Variants in FHIT observed in about 807,000 individuals in gnomAD.
The protein encoded by FHIT is fragile histidine triad diadenosine triphosphatase, also known as bis(5'-adenosyl)-triphosphatase.
In FHIT, 19 loss-of-function variants were observed where a neutral mutation model predicts 17.9. That is an observed-to-expected ratio of 1.06 (90% confidence interval 0.74 to 1.56). The LOEUF (loss-of-function observed/expected upper bound fraction) is 1.56. FHIT is among the 40% of genes most tolerant of loss of function. FHIT has a pLI of 0.00. For synonymous variants in FHIT, 81 were observed against 69.7 expected (o/e 1.16, Z -0.81); for missense variants, 248 against 189.2 (o/e 1.31, Z -1.82).
At chr3:60,973,844 C>A (rs1186949860) in intron 3 of FHIT, among the ~76,000 whole-genome samples, 2 of 152,204 alleles carry the variant, frequency 1.3e-5, no homozygotes, top group South Asian at 4.1e-4. Context: ...ACAGACAATA[C>A]TCAGCACAAT....
chr3:60,089,255 T>C (rs1703628381), intron 5 of FHIT, among the ~76,000 whole-genome samples: 1 of 152,200 alleles, frequency 6.6e-6, no homozygotes, highest in Non-Finnish European at 1.5e-5. Context: ...TCATGACACA[T>C]TTATTTTCTT....
At chr3:60,828,046 A>C (rs1456627871) in intron 3 of FHIT, among the ~76,000 whole-genome samples, 1 of 152,200 alleles carries the variant, frequency 6.6e-6, no homozygotes, top group Non-Finnish European at 1.5e-5. Flanking sequence ...CTACCAACCA[A>C]ATAGGTGCAT....
chr3:60,252,756 C>A (rs35184553), intron 5 of FHIT, among the ~76,000 whole-genome samples: 13,598 of 151,688 alleles, frequency 0.09, 806 homozygotes, highest in South Asian at 0.17. Flanking sequence ...TTTGGGAGGC[C>A]GAGGCCGGTG....
At chr3:60,532,961 T>G (rs2035841311) in intron 5 of FHIT, among the ~76,000 whole-genome samples, 1 of 123,890 alleles carries the variant, frequency 8.1e-6, no homozygotes, top group African/African-American at 3.2e-5. Context: ...AATGCCATTT[T>G]TAAGAAGAAG....
chr3:60,310,271 C>G (rs1708881153), intron 5 of FHIT, among the ~76,000 whole-genome samples: 1 of 152,124 alleles, frequency 6.6e-6, no homozygotes, highest in Non-Finnish European at 1.5e-5. Context: ...CCTCTCTGTT[C>G]TGTGGTGTTT....
intron 5 of FHIT, among the ~76,000 whole-genome samples, chr3:60,312,197 A>AT (rs1708980182): frequency 6.6e-6 from 1 of 152,116 alleles, no homozygotes; most frequent in South Asian, 2.1e-4. Context: ...GTGCAGTGGC[A>AT]TGGTCATAGC....
chr3:60,334,438 C>G (rs1308761167), intron 5 of FHIT, among the ~76,000 whole-genome samples: 1 of 152,206 alleles, frequency 6.6e-6, no homozygotes, highest in African/African-American at 2.4e-5. Context: ...CAATCCAAAA[C>G]AGTCAGTAAG....
chr3:59,922,645 A>G (rs886995764), intron 7 of FHIT, among the ~76,000 whole-genome samples: 3 of 152,170 alleles, frequency 2.0e-5, no homozygotes, highest in Non-Finnish European at 4.4e-5. Flanking sequence ...GCGAAATGCT[A>G]GAGTGTTTCA....
intron 4 of FHIT, among the ~76,000 whole-genome samples, chr3:60,546,079 C>G (rs1344710408): frequency 6.6e-6 from 1 of 151,978 alleles, no homozygotes; most frequent in Non-Finnish European, 1.5e-5. Flanking sequence ...CATCACCTTA[C>G]ATTAGCGTGT....
intron 5 of FHIT, among the ~76,000 whole-genome samples, chr3:60,309,146 T>G (rs543984552): frequency 8.5e-5 from 13 of 152,126 alleles, no homozygotes; most frequent in Non-Finnish European, 1.6e-4. Context: ...GTGCTAGCAA[T>G]TAATTACCAA....
intron 8 of FHIT, among the ~76,000 whole-genome samples, chr3:59,776,371 C>T (rs922737816): frequency 6.6e-6 from 1 of 152,190 alleles, no homozygotes; most frequent in African/African-American, 2.4e-5. Flanking sequence ...TGATTAGGGA[C>T]CTGAGGGCAG....
chr3:60,807,180 T>A (rs1701423139), intron 4 of FHIT, among the ~76,000 whole-genome samples: 1 of 152,198 alleles, frequency 6.6e-6, no homozygotes, highest in Non-Finnish European at 1.5e-5. Context: ...TTGTAGAATT[T>A]ATAGACAAGC....
intron 4 of FHIT, among the ~76,000 whole-genome samples, chr3:60,587,781 A>G (rs993254325): frequency 1.3e-5 from 2 of 152,020 alleles, no homozygotes; most frequent in Non-Finnish European, 2.9e-5. Flanking sequence ...CTGTATGCCT[A>G]TATTTTTATT....
chr3:60,192,867 T>G (rs1702469223), intron 5 of FHIT, among the ~76,000 whole-genome samples: 1 of 152,188 alleles, frequency 6.6e-6, no homozygotes, highest in African/African-American at 2.4e-5. Context: ...AAATAATTGT[T>G]TATAGGTTAT....
intron 2 of FHIT, among the ~76,000 whole-genome samples, chr3:61,195,407 G>A (rs1335602176): frequency 6.6e-6 from 1 of 152,166 alleles, no homozygotes; most frequent in Non-Finnish European, 1.5e-5. Context: ...TGAGAGCACT[G>A]AGCAAGACAT....
rs372632734 is a variant in FHIT at position 60,014,061 on chromosome 3, G to A, written c.195C>T (p.Val65=). The change falls in exon 6 of 10, where the codon GTC becomes GTT. Residue 65 remains valine (V), a synonymous_variant. Transcript: ENST00000492590. ...VADLFQTTQR[V]GTVVEKHFHG... ...GGAAATGTTTTTCCACCACTGTCCC[G>A]ACTCTCTGGGTCGTCTGAAACAAAT... 6.3e-5 allele frequency: 102 copies of A among 1,613,988 alleles called. No homozygotes were observed. The highest frequency in any genetic ancestry group is 5.0e-4 in the Admixed American group (30 of 60,012).
rs191439218 is a variant in FHIT at position 60,039,780 on chromosome 3, A to G, written c.104-25628T>C. ...GCAGTGCAGTCCAATGGAAGATCTT[A>G]GAACCAAATGTATTGAGTTGAAAAC... On this transcript the variant is annotated intron_variant, in intron 5 of 9. Transcript: ENST00000492590. Among the ~76,000 whole-genome samples the G allele has an allele frequency of 9.8e-5, 15 of 152,354 alleles. No homozygotes were observed. The East Asian group carries it at 2.9e-3, about 29-fold the overall frequency.
chr3:60,109,455 G>C (rs1310148402), intron 5 of FHIT, among the ~76,000 whole-genome samples: 1 of 152,058 alleles, frequency 6.6e-6, no homozygotes, highest in African/African-American at 2.4e-5. Context: ...TCCATGTCTG[G>C]CTTATTCCTA....
intron 5 of FHIT, among the ~76,000 whole-genome samples, chr3:60,073,593 C>A (rs575295792): frequency 1.3e-5 from 2 of 152,092 alleles, no homozygotes; most frequent in East Asian, 3.9e-4. Flanking sequence ...CTTCTCTAAC[C>A]CCTCATCGTT....
Sources: allele counts gnomAD v4.1 joint callset (sites outside exome capture counted in the v4.1 genomes callset), GRCh38; gene constraint gnomAD v4.1.1; transcripts MANE v1.5; gene names NCBI Gene and HGNC (gene_info 2026-07-23, HGNC 2026-07-21).